Variants in PRKD1 observed in about 807,000 individuals in gnomAD.
PRKD1 encodes the protein serine/threonine-protein kinase D1.
Under a neutral mutation model 95.9 loss-of-function variants are expected in PRKD1, and 63 were observed. The ratio of observed to expected loss-of-function variants is 0.66; its 90% CI spans 0.54 to 0.81. The LOEUF is 0.81. Among genes scored for constraint, PRKD1 ranks in the 30% least tolerant of loss-of-function variants. The pLI is 0.00. For missense variants in PRKD1, 1,048 were observed against 1,165.3 expected (o/e 0.90, Z 1.47); for synonymous variants, 425 against 423.1 (o/e 1.00, Z -0.05).
intron 13 of PRKD1, among the ~76,000 whole-genome samples, chr14:29,612,608 T>G (rs1056048920): frequency 3.3e-5 from 5 of 152,206 alleles, no homozygotes; most frequent in Admixed American, 2.6e-4. Flanking sequence ...ACTAACTTTT[T>G]ACGATGATTT....
At chr14:29,630,688 C>T (rs2139111240) in intron 10 of PRKD1, 54 bp downstream of exon 10, 1 of 1,606,174 alleles carries the variant, frequency 6.2e-7, no homozygotes, top group Middle Eastern at 1.7e-4. Context: ...GTTTACTAAG[C>T]AAGGGGTAGG....
intron 1 of PRKD1, among the ~76,000 whole-genome samples, chr14:29,818,035 G>A (rs1197132493): frequency 6.6e-6 from 1 of 152,096 alleles, no homozygotes; most frequent in Non-Finnish European, 1.5e-5. Context: ...AAAAAAAAAT[G>A]GCATTTGACA....
chr14:29,923,457 A>G (rs1895194525), intron 1 of PRKD1, among the ~76,000 whole-genome samples: 1 of 152,156 alleles, frequency 6.6e-6, no homozygotes, highest in Non-Finnish European at 1.5e-5. Flanking sequence ...GAATGTGTGG[A>G]GTATCTAAAA....
In PRKD1 at chr14:29,632,962, G is replaced by A. The variant is rs1397282069; in HGVS notation, c.1315-16C>T. ...GCCGTTTCCGCTGAAACAGAAGTTAGATCCAAGATCTTTTTAAAAAACTTT... is the reference window on the plus strand; with the variant it reads ...GCCGTTTCCGCTGAAACAGAAGTTAAATCCAAGATCTTTTTAAAAAACTTT... On this transcript the variant is annotated splice_polypyrimidine_tract_variant and intron_variant, in intron 8 of 17. Coordinates refer to ENST00000331968, the MANE Select transcript of PRKD1 (RefSeq NM_002742.3). 1 of 1,601,276 alleles carries A rather than the reference G, an allele frequency of 6.2e-7. No homozygotes were observed. Among genetic ancestry groups the A allele is most frequent in the South Asian group, 1.1e-5 (1 of 90,766 alleles).
chr14:29,807,862 C>T (rs1477713818), intron 1 of PRKD1, among the ~76,000 whole-genome samples: 1 of 151,878 alleles, frequency 6.6e-6, no homozygotes, highest in Non-Finnish European at 1.5e-5. Context: ...GCTGGGATTA[C>T]AGGTGTGTGC....
At chr14:29,663,546 G>C (rs956205266) in intron 4 of PRKD1, among the ~76,000 whole-genome samples, 153 bp downstream of exon 4, 2 of 152,132 alleles carry the variant, frequency 1.3e-5, no homozygotes, top group African/African-American at 4.8e-5. Flanking sequence ...ATGAGACACT[G>C]ACCAATCTAC....
chr14:29,712,876 G>A (rs903982714), intron 2 of PRKD1, among the ~76,000 whole-genome samples: 5 of 152,084 alleles, frequency 3.3e-5, no homozygotes, highest in Non-Finnish European at 5.9e-5. Context: ...AGTGCTATGC[G>A]CCACCAATCA....
intron 2 of PRKD1, among the ~76,000 whole-genome samples, chr14:29,693,152 T>C (rs1450725542): frequency 1.3e-5 from 2 of 152,194 alleles, no homozygotes; most frequent in African/African-American, 2.4e-5. Flanking sequence ...AGCAGTGCAA[T>C]TCTGGTATTC....
At chr14:29,785,834 AAAATAAATAAAT>A (rs371063911) in intron 1 of PRKD1, among the ~76,000 whole-genome samples, 1 of 150,664 alleles carries the variant, frequency 6.6e-6, no homozygotes, top group Non-Finnish European at 1.5e-5. Flanking sequence ...ATAATAAAAT[AAAATAAATAAAT>A]AAATAAATAA....
In PRKD1 at chr14:29,666,135, G is replaced by A. The variant is rs1390446631; in HGVS notation, c.477C>T (p.Phe159=). ...ACAGCATTTCTCCACAGTGATCACA[G>A]AAAGCTGGAGCTCTGTATGAATGAA... ...LFVHSYRAPA[F]CDHCGEMLWG... is the part of the protein sequence containing the mutation. Residue 159 remains phenylalanine, a synonymous_variant, in exon 3 of 18, where the codon TTC becomes TTT. Transcript: ENST00000331968. 6.2e-7 allele frequency: 1 copy of A among 1,607,656 alleles called. No homozygotes were observed. The highest frequency in any genetic ancestry group is 8.5e-7 in the Non-Finnish European group (1 of 1,175,590).
chr14:29,645,272 A>T (rs1881051015), intron 4 of PRKD1, among the ~76,000 whole-genome samples: 1 of 152,120 alleles, frequency 6.6e-6, no homozygotes, highest in African/African-American at 2.4e-5. Context: ...CTTAACCTTG[A>T]CCTACAGAAG....
chr14:29,743,948 T>C (rs1887098336), intron 1 of PRKD1, among the ~76,000 whole-genome samples: 1 of 152,226 alleles, frequency 6.6e-6, no homozygotes, highest in African/African-American at 2.4e-5. Flanking sequence ...TAGTCACTTT[T>C]ACTGAACCCT....
intron 15 of PRKD1, 118 bp from the exon 16 acceptor site, chr14:29,597,876 A>C (rs1893367436): frequency 2.8e-6 from 3 of 1,089,314 alleles, no homozygotes; most frequent in Non-Finnish European, 3.8e-6. Context: ...ACATTAAATG[A>C]TATGGATTTC....
chr14:29,628,746 C>T (rs530875980), intron 11 of PRKD1, among the ~76,000 whole-genome samples: 1 of 152,078 alleles, frequency 6.6e-6, no homozygotes, highest in Admixed American at 6.5e-5. Flanking sequence ...TGTGTAATAT[C>T]AACCATTAAA....
At chr14:29,908,582 G>C (rs191269033) in intron 1 of PRKD1, among the ~76,000 whole-genome samples, 62 of 152,314 alleles carry the variant, frequency 4.1e-4, no homozygotes, top group Middle Eastern at 3.4e-3. Flanking sequence ...ACCAAACCCA[G>C]CCTACATTGG....
intron 2 of PRKD1, among the ~76,000 whole-genome samples, chr14:29,709,095 A>G (rs952297270): frequency 2.6e-5 from 4 of 152,136 alleles, no homozygotes; most frequent in Non-Finnish European, 5.9e-5. Flanking sequence ...AGAGCTTCCT[A>G]TATCTATTGA....
chr14:29,592,615 C>G (rs192587862), intron 16 of PRKD1: 3 of 151,954 alleles, frequency 2.0e-5, no homozygotes, highest in Non-Finnish European at 4.4e-5. Context: ...GACTGGGAAA[C>G]GGAAAATGAT....
intron 1 of PRKD1, among the ~76,000 whole-genome samples, chr14:29,860,912 C>T (rs1057231064): frequency 4.6e-5 from 7 of 152,154 alleles, no homozygotes; most frequent in African/African-American, 1.7e-4. Context: ...CAGCTTTTCC[C>T]AGATCTTTAT....
intron 16 of PRKD1, among the ~76,000 whole-genome samples, chr14:29,583,957 AG>A (rs1566466059): frequency 6.6e-6 from 1 of 152,208 alleles, no homozygotes; most frequent in African/African-American, 2.4e-5. Context: ...AGACAAAAAA[AG>A]TCAGGAAAGC....
Sources: allele counts gnomAD v4.1 joint callset (sites outside exome capture counted in the v4.1 genomes callset), GRCh38; gene constraint gnomAD v4.1.1; transcripts MANE v1.5; gene names NCBI Gene and HGNC (gene_info 2026-07-23, HGNC 2026-07-21).